Variants in CDC42BPB observed in about 807,000 individuals in gnomAD.
CDC42BPB encodes CDC42 binding protein kinase beta, also known as serine/threonine-protein kinase MRCK beta.
CDC42BPB carries 37 observed loss-of-function variants against 214.9 expected under a neutral mutation model. The observed-to-expected ratio is 0.17, with a 90% CI of 0.13 to 0.23. CDC42BPB has a LOEUF of 0.23. CDC42BPB is among the 10% of genes least tolerant of loss of function. The pLI is 1.00. For synonymous variants in CDC42BPB, 931 were observed against 884.0 expected (o/e 1.05, Z -0.94); for missense variants, 1,694 against 2,227.0 (o/e 0.76, Z 4.82).
At chr14:102,964,927 C>CTTTTTTTTTT (rs926008057) in intron 18 of CDC42BPB, 2 of 287,070 alleles carry the variant, frequency 7.0e-6, no homozygotes. Flanking sequence ...CTTTTCTTTT[C>CTTTTTTTTTT]TTTTTTTTTT....
chr14:102,944,573 G>A lies in CDC42BPB; in HGVS notation c.3812-86C>T, dbSNP rs950797566. 17 of 1,530,058 alleles carry A rather than the reference G, an allele frequency of 1.1e-5. No homozygotes were observed. Among genetic ancestry groups the A allele is most frequent in the African/African-American group, 4.1e-5 (3 of 72,626 alleles). 94.8% of individuals were successfully genotyped at this position (1,530,058 alleles called of 1,614,324 possible). A position where few individuals can be genotyped will look rare whatever the true frequency, so the allele number is the denominator to read the frequency against. On this transcript the variant is annotated intron_variant, in intron 29 of 36. Transcript: ENST00000361246. The surrounding 1 kb of genome is among the most constrained non-coding windows in gnomAD (Gnocchi z 6.6). ...ACGGCCTTGGCTAAAGACTTGCCTGGAACACTCTGGGGCCCTCCCCTGGGC... is the reference window on the plus strand; with the variant it reads ...ACGGCCTTGGCTAAAGACTTGCCTGAAACACTCTGGGGCCCTCCCCTGGGC...
chr14:103,041,893 C>A (rs1888021667), intron 1 of CDC42BPB: 3 of 420,390 alleles, frequency 7.1e-6, no homozygotes, highest in South Asian at 2.0e-5. Context: ...TGCTGAAGAA[C>A]TGAAACTGGC....
At chr14:103,011,371 C>T (rs1038668812) in intron 2 of CDC42BPB, among the ~76,000 whole-genome samples, 1 of 152,216 alleles carries the variant, frequency 6.6e-6, no homozygotes, top group Non-Finnish European at 1.5e-5. Context: ...AGCTGCTATT[C>T]GACCCTCTCT....
chr14:102,987,788 AACACACACAC>A (rs57579935), intron 5 of CDC42BPB, among the ~76,000 whole-genome samples: 52 of 140,846 alleles, frequency 3.7e-4, no homozygotes, highest in African/African-American at 9.1e-4. Context: ...CAAACACACA[AACACACACAC>A]ACACACACAC....
intron 4 of CDC42BPB, among the ~76,000 whole-genome samples, chr14:103,002,986 C>T (rs544110367): frequency 6.6e-6 from 1 of 152,328 alleles, no homozygotes; most frequent in South Asian, 2.1e-4. Context: ...TCCCACACTA[C>T]TCCATCTGCT....
rs1271365171 is a variant in CDC42BPB, at chr14:102,975,947, T to C, written c.1323A>G (p.Glu441=). The C allele has an allele frequency of 6.2e-7, 1 of 1,614,230 alleles. No individual in the cohort carries two copies. Among genetic ancestry groups the C allele is most frequent in the Admixed American group, 1.7e-5 (1 of 60,026 alleles). The change falls in exon 10 of 37, where the codon GAA becomes GAG. Residue 441 remains glutamate, a synonymous_variant. Coordinates refer to ENST00000361246, the MANE Select transcript of CDC42BPB (RefSeq NM_006035.4). ...QRDLEHSLQM[E]AYERRIRRLE... ...GCCTCCGAATCCTCCTCTCGTAAGCTTCCATCTGCAGGCTGTGCTCCAGGT... is the reference window on the plus strand; with the variant it reads ...GCCTCCGAATCCTCCTCTCGTAAGCCTCCATCTGCAGGCTGTGCTCCAGGT...
rs1200414592 is a variant in CDC42BPB, at chr14:102,945,949, T to C, written c.3749-225A>G. Among the ~76,000 whole-genome samples the C allele has an allele frequency of 2.6e-5, 4 of 152,172 alleles. No homozygotes were observed. The East Asian group carries it at 7.7e-4, about 29-fold the overall frequency. On this transcript the variant is annotated intron_variant, in intron 28 of 36. Transcript: ENST00000361246. ...TTGAGTCTGCAAGGATTTGGGTGTG[T>C]GTGGGGCTCCTGGAGCTGACCCTCA... is the stretch of plus-strand genomic sequence containing the variant.
intron 18 of CDC42BPB, among the ~76,000 whole-genome samples, chr14:102,965,173 C>G (rs556821326): frequency 6.6e-6 from 1 of 152,102 alleles, no homozygotes; most frequent in South Asian, 2.1e-4. Flanking sequence ...CTCTCGTGAT[C>G]CACCCCCCTT....
intron 1 of CDC42BPB, among the ~76,000 whole-genome samples, chr14:103,030,601 C>T (rs543724390): frequency 1.2e-4 from 19 of 152,232 alleles, no homozygotes; most frequent in African/African-American, 4.1e-4. Flanking sequence ...GCGGCTGAGG[C>T]GGGAGGATCA....
At chr14:102,986,378 T>C in intron 6 of CDC42BPB, 109 bp downstream of exon 6, 1 of 667,172 alleles carries the variant, frequency 1.5e-6, no homozygotes, top group Non-Finnish European at 2.5e-6. Flanking sequence ...GGATTCATTT[T>C]CTGAATTAAT....
chr14:103,018,690 G>A (rs1283859540), intron 1 of CDC42BPB, among the ~76,000 whole-genome samples: 1 of 152,212 alleles, frequency 6.6e-6, no homozygotes, highest in East Asian at 1.9e-4. Flanking sequence ...GGGGAGTAGG[G>A]CCTGGGGCAA....
At position 102,983,142 on chromosome 14, in the gene CDC42BPB, T is replaced by G. The variant is rs565352597; in HGVS notation, c.891+414A>C. Reference sequence around the variant, plus strand: ...AGAATCAAAGTTGGCACCTAACCAGTGAATCTAGAGCCACAGGTCAAAGGG... The same window carrying G: ...AGAATCAAAGTTGGCACCTAACCAGGGAATCTAGAGCCACAGGTCAAAGGG... On this transcript the variant is annotated intron_variant, in intron 7 of 36. Coordinates refer to ENST00000361246, the MANE Select transcript of CDC42BPB (RefSeq NM_006035.4). Among the ~76,000 whole-genome samples, 4 of 152,176 alleles carry G rather than the reference T, an allele frequency of 2.6e-5. No individual in the cohort carries two copies. In the South Asian group the frequency reaches 8.3e-4, roughly 32 times the overall value.
Position 103,057,310 on chromosome 14 carries a change from C to A in CDC42BPB, c.-137G>T. The A allele has an allele frequency of 9.5e-7, 1 of 1,055,704 alleles. No individual in the cohort carries two copies. The highest frequency in any genetic ancestry group is 4.4e-5 in the South Asian group (1 of 22,484). The allele number at this position is 1,055,704 out of a possible 1,614,324, so 65.4% of individuals were successfully genotyped here. On this transcript the variant is annotated 5_prime_UTR_variant, in exon 1 of 37. Transcript: ENST00000361246. ...CTCCTCGCCGCCCCGTCCGCGTCGT[C>A]GCGCCCCGGCCTAGGCCGACATCTT...
At chr14:102,984,752 C>A (rs1894158760) in intron 6 of CDC42BPB, among the ~76,000 whole-genome samples, 1 of 152,088 alleles carries the variant, frequency 6.6e-6, no homozygotes, top group Non-Finnish European at 1.5e-5. Context: ...ACAGGCCTGT[C>A]TGGGGAAGGC....
At chr14:102,985,951 T>C (rs1055642114) in intron 6 of CDC42BPB, among the ~76,000 whole-genome samples, 1 of 152,204 alleles carries the variant, frequency 6.6e-6, no homozygotes, top group Non-Finnish European at 1.5e-5. Context: ...CTCCTGGTGA[T>C]AGCCGATCCG....
chr14:102,987,741 T>C (rs146250987), intron 5 of CDC42BPB, among the ~76,000 whole-genome samples: 24 of 149,928 alleles, frequency 1.6e-4, no homozygotes, highest in African/African-American at 5.7e-4. Flanking sequence ...CAAATAAACA[T>C]TCAGGAATAC....
chr14:102,986,506 T>C lies in CDC42BPB; in HGVS notation c.671A>G (p.Lys224Arg). ...IRLADFGSCL[K>R]MNDDGTVQSS... ...ACCTACAGTGCCATCATCATTCATC[T>C]TCAAACATGATCCAAAGTCAGCCAG... Residue 224 changes from lysine (K) to arginine (R), a missense_variant, in exon 6 of 37, where the codon AAG (lysine) becomes AGG (arginine). By Grantham distance (26) the Lys-to-Arg change is conservative. Around this residue, in one of 7 missense-constraint regions of CDC42BPB, gnomAD observed 225 missense variants for 459.3 expected, o/e 0.49. Transcript: ENST00000361246. 1.2e-6 allele frequency: 2 copies of C among 1,613,902 alleles called. No individual in the cohort carries two copies. The highest frequency in any genetic ancestry group is 1.7e-6 in the Non-Finnish European group (2 of 1,179,808).
Position 103,004,287 on chromosome 14 carries a change from C to T in CDC42BPB, c.352-264G>A, listed in dbSNP as rs894834495. The T allele has an allele frequency of 7.5e-5, 58 of 775,128 alleles. No individual in the cohort carries two copies. In the African/African-American group the frequency reaches 8.4e-4, roughly 11 times the overall value. 48.0% of individuals were successfully genotyped at this position (775,128 alleles called of 1,614,324 possible). On this transcript the variant is annotated intron_variant, in intron 3 of 36. Coordinates refer to ENST00000361246, the MANE Select transcript of CDC42BPB (RefSeq NM_006035.4). This position sits in a 1 kb window ranked among gnomAD's most constrained non-coding sequence, Gnocchi z 5.3. The stretch of plus-strand genomic sequence containing the variant: ...ACGGGCACCATTTCTGTGGCTGACA[C>T]TTAGATTCACCCCACCCTTATGTGG...
intron 20 of CDC42BPB, among the ~76,000 whole-genome samples, chr14:102,962,632 C>T (rs1302885597): frequency 1.3e-5 from 2 of 152,148 alleles, no homozygotes; most frequent in Non-Finnish European, 2.9e-5. Flanking sequence ...GGTGGATTGC[C>T]TGAGGTCAGG....
Sources: allele counts gnomAD v4.1 joint callset (sites outside exome capture counted in the v4.1 genomes callset), GRCh38; gene constraint gnomAD v4.1.1; regional missense constraint gnomAD v4.1.1; non-coding constraint Gnocchi (gnomAD v3.1); transcripts MANE v1.5; gene names NCBI Gene and HGNC (gene_info 2026-07-23, HGNC 2026-07-21).